Variants in TPD52 observed in about 807,000 individuals in gnomAD.
The protein encoded by TPD52 is prostate and colon associated protein.
TPD52 carries 17 observed loss-of-function variants against 31.3 expected under a neutral mutation model. The observed-to-expected ratio is 0.54, with a 90% CI of 0.37 to 0.82. The LOEUF (loss-of-function observed/expected upper bound fraction) is 0.82. Among genes scored for constraint, TPD52 ranks in the 40% least tolerant of loss-of-function variants. The probability of loss-of-function intolerance (pLI) is 0.00; values close to 1 mark genes in which losing one functional copy is unlikely to be tolerated. For missense variants in TPD52, 212 were observed against 240.1 expected (o/e 0.88, Z 0.77); for synonymous variants, 83 against 89.6 (o/e 0.93, Z 0.42).
intron 1 of TPD52, among the ~76,000 whole-genome samples, chr8:80,154,353 C>T (rs1810781707): frequency 6.6e-6 from 1 of 152,176 alleles, no homozygotes; most frequent in Admixed American, 6.5e-5. Context: ...GTGAGGCTCT[C>T]TGGAGTCGAA....
intron 1 of TPD52, among the ~76,000 whole-genome samples, chr8:80,078,430 C>T (rs1030689528): frequency 5.9e-5 from 9 of 152,186 alleles, no homozygotes; most frequent in Non-Finnish European, 1.3e-4. Context: ...CTAAAAGCTT[C>T]TACGTAGAAA....
chr8:80,112,505 T>C (rs137892870), intron 1 of TPD52, among the ~76,000 whole-genome samples: 1 of 152,196 alleles, frequency 6.6e-6, no homozygotes, highest in East Asian at 1.9e-4. Context: ...CTGGTATGAG[T>C]AGTCCATAAA....
intron 1 of TPD52, among the ~76,000 whole-genome samples, chr8:80,087,307 A>C (rs1186939169): frequency 3.9e-5 from 6 of 151,914 alleles, no homozygotes; most frequent in Admixed American, 6.6e-5. Flanking sequence ...CCTCCCCCAC[A>C]CCTGTGTTGT....
At chr8:80,103,362 A>C (rs1425844833) in intron 1 of TPD52, among the ~76,000 whole-genome samples, 1 of 152,114 alleles carries the variant, frequency 6.6e-6, no homozygotes, top group Non-Finnish European at 1.5e-5. Context: ...AACCAATCAA[A>C]ATTGGTTTCA....
At chr8:80,057,489 TA>T (rs35611793) in intron 2 of TPD52, among the ~76,000 whole-genome samples, 2 of 152,194 alleles carry the variant, frequency 1.3e-5, no homozygotes, top group African/African-American at 4.8e-5. Flanking sequence ...ATGCAGCCCC[TA>T]AAAAGTACAA....
At chr8:80,033,853 A>C (rs1809755912), downstream of TPD52, among the ~76,000 whole-genome samples, 1 of 151,980 alleles carries the variant, frequency 6.6e-6, no homozygotes, top group Admixed American at 6.6e-5. Flanking sequence ...CCTGGAAAAA[A>C]CACCATCCGA....
At chr8:80,051,328 G>A in intron 4 of TPD52, 199 bp downstream of exon 4, 1 of 563,278 alleles carries the variant, frequency 1.8e-6, no homozygotes, top group East Asian at 3.1e-5. Flanking sequence ...ATGATCATCA[G>A]ATGATCATTT....
rs1056172894 is a variant in TPD52, at chr8:80,088,930, C to T, written c.20-24337G>A. On this transcript the variant is annotated intron_variant, in intron 1 of 7. Coordinates refer to ENST00000518937, the MANE Select transcript of TPD52 (RefSeq NM_001025253.3). ...CAGGATGGTCTCGATCTCCTGACCT[C>T]GTGATCCGCCCGCCTCGGCCTCCCA... 2.8e-4 allele frequency among the ~76,000 whole-genome samples: 42 copies of T among 152,138 alleles called. 1 individual carries two copies. The highest frequency in any genetic ancestry group is 2.1e-4 in the South Asian group (1 of 4,824).
chr8:80,064,674 G>T, intron 1 of TPD52, 81 bp from the exon 2 acceptor site: 2 of 987,090 alleles, frequency 2.0e-6, no homozygotes, highest in Non-Finnish European at 3.3e-6. Flanking sequence ...GTCCTAGCCA[G>T]AATAAAGCCA....
At chr8:80,059,233 G>C (rs1379659718) in intron 2 of TPD52, among the ~76,000 whole-genome samples, 4 of 151,886 alleles carry the variant, frequency 2.6e-5, no homozygotes, top group Non-Finnish European at 5.9e-5. Flanking sequence ...AAGTCACAAA[G>C]GAAATTAGAA....
intron 5 of TPD52, among the ~76,000 whole-genome samples, chr8:80,048,287 C>T (rs1423463558): frequency 6.6e-6 from 1 of 152,206 alleles, no homozygotes; most frequent in Non-Finnish European, 1.5e-5. Context: ...ATCCCAAGTG[C>T]TGATTTATCA....
Position 80,035,902 on chromosome 8 carries a change from A to C in TPD52, c.*2214T>G, listed in dbSNP as rs1472472664. The C allele has an allele frequency of 6.6e-6, 1 of 152,236 alleles. No individual in the cohort carries two copies. Among genetic ancestry groups the C allele is most frequent in the African/African-American group, 2.4e-5 (1 of 41,464 alleles). The allele number at this position is 152,236 out of a possible 1,614,324, so 9.4% of individuals were successfully genotyped here. On this transcript the variant is annotated 3_prime_UTR_variant, in exon 8 of 8. Transcript: ENST00000518937. Reference sequence around the variant, plus strand: ...CTAATTACTATGTTTCTCATTCTTTAAATATCTGTGAATTCATAATATTGA... The same window carrying C: ...CTAATTACTATGTTTCTCATTCTTTCAATATCTGTGAATTCATAATATTGA...
intron 1 of TPD52, 148 bp from the exon 2 acceptor site, chr8:80,064,741 G>C: frequency 1.4e-6 from 1 of 710,332 alleles, no homozygotes. Context: ...GGCTTTCTCA[G>C]CAAAGGACAA....
chr8:80,070,289 T>C (rs1453567393), intron 1 of TPD52, among the ~76,000 whole-genome samples: 1 of 152,130 alleles, frequency 6.6e-6, no homozygotes, highest in Admixed American at 6.5e-5. Flanking sequence ...GACCAAGTGC[T>C]TCAAGACTTT....
chr8:80,032,593 G>C (rs1375399404), downstream of TPD52: 1 of 152,264 alleles, frequency 6.6e-6, no homozygotes, highest in Non-Finnish European at 1.5e-5. Flanking sequence ...CTAAGTTCAA[G>C]CCTAATACTT....
intron 1 of TPD52, among the ~76,000 whole-genome samples, chr8:80,099,049 G>A (rs554840660): frequency 3.3e-5 from 5 of 152,308 alleles, no homozygotes; most frequent in Admixed American, 6.5e-5. Context: ...TTTTGGGGGC[G>A]AGGGTATATA....
chr8:80,157,056 C>A (rs1488015828), intron 1 of TPD52, among the ~76,000 whole-genome samples: 10 of 152,098 alleles, frequency 6.6e-5, no homozygotes, highest in Admixed American at 1.3e-4. Context: ...TTGAGGTTCC[C>A]GCTCCACTTT....
At chr8:80,050,593 G>A in intron 4 of TPD52, 122 bp from the exon 5 acceptor site, 1 of 879,548 alleles carries the variant, frequency 1.1e-6, no homozygotes, top group Non-Finnish European at 1.7e-6. Context: ...ACACAATTCA[G>A]TCAGCATAGA....
In TPD52 at chr8:80,145,820, T is replaced by C. The variant is rs1810154152; in HGVS notation, c.19+25605A>G. Among the ~76,000 whole-genome samples, 2 of 152,148 alleles carry C rather than the reference T, an allele frequency of 1.3e-5. 1 individual carries two copies. Among genetic ancestry groups the C allele is most frequent in the South Asian group, 4.1e-4 (2 of 4,830 alleles). ...AAAAAACCCACAGTGTTCCTGAAAC[T>C]AAATTTAAAAGTAATGCCCTTTATT... On this transcript the variant is annotated intron_variant, in intron 1 of 7. Coordinates refer to ENST00000518937, the MANE Select transcript of TPD52 (RefSeq NM_001025253.3).
Sources: allele counts gnomAD v4.1 joint callset (sites outside exome capture counted in the v4.1 genomes callset), GRCh38; gene constraint gnomAD v4.1.1; transcripts MANE v1.5; gene names NCBI Gene and HGNC (gene_info 2026-07-23, HGNC 2026-07-21).